CDH18: variants seen among roughly 807,000 people sequenced by gnomAD.
The protein encoded by CDH18 is cadherin-18.
A neutral mutation model predicts 67.9 loss-of-function variants in CDH18; 31 were observed. That is an observed-to-expected ratio of 0.46 (90% CI 0.34 to 0.62). The LOEUF (loss-of-function observed/expected upper bound fraction) is 0.62, where lower values mean the gene tolerates loss of function less well. CDH18 is among the 20% of genes least tolerant of loss of function. The probability of loss-of-function intolerance (pLI) is 0.01; values close to 1 mark genes in which losing one functional copy is unlikely to be tolerated. For missense variants in CDH18, 890 were observed against 975.5 expected (o/e 0.91, Z 1.17); for synonymous variants, 362 against 347.2 (o/e 1.04, Z -0.48).
chr5:20,469,944 C>T (rs1751932839), intron 1 of CDH18, among the ~76,000 whole-genome samples: 1 of 152,120 alleles, frequency 6.6e-6, no homozygotes, highest in Admixed American at 6.6e-5. Context: ...CTACTGTGGA[C>T]TTGTCTTGCA....
At chr5:19,921,348 A>T (rs182982041) in intron 2 of CDH18, among the ~76,000 whole-genome samples, 1 of 151,974 alleles carries the variant, frequency 6.6e-6, no homozygotes. Flanking sequence ...TGGCTAACAC[A>T]GTGAAACCCT....
intron 2 of CDH18, among the ~76,000 whole-genome samples, chr5:19,850,494 A>G (rs1783556549): frequency 6.6e-6 from 1 of 151,886 alleles, no homozygotes; most frequent in African/African-American, 2.4e-5. Context: ...GTCTTCTAAT[A>G]GCCTCAATGA....
At chr5:20,431,545 G>T (rs1036580752) in intron 1 of CDH18, among the ~76,000 whole-genome samples, 2 of 149,228 alleles carry the variant, frequency 1.3e-5, no homozygotes, top group Non-Finnish European at 3.0e-5. Context: ...AAGAACCTCA[G>T]TCAATCACAA....
intron 10 of CDH18, among the ~76,000 whole-genome samples, chr5:19,515,677 T>C (rs2126864177): frequency 6.6e-6 from 1 of 152,300 alleles, no homozygotes; most frequent in East Asian, 1.9e-4. Flanking sequence ...ATAGGAATGC[T>C]TGTCATTTTT....
At chr5:20,439,085 A>G (rs929157981) in intron 1 of CDH18, among the ~76,000 whole-genome samples, 2 of 151,540 alleles carry the variant, frequency 1.3e-5, no homozygotes, top group South Asian at 2.1e-4. Flanking sequence ...AATCACCTCT[A>G]AAGTGCTCAC....
intron 2 of CDH18, among the ~76,000 whole-genome samples, chr5:19,868,180 A>G (rs1581713332): frequency 1.3e-5 from 2 of 152,192 alleles, no homozygotes; most frequent in African/African-American, 4.8e-5. Context: ...TTCAAGTGAA[A>G]TGGAATAATA....
Position 19,490,138 on chromosome 5 carries a change from T to TA in CDH18, c.1631-6587dup, listed in dbSNP as rs1305512643. 9.8e-3 allele frequency among the ~76,000 whole-genome samples: 1,480 copies of TA among 150,270 alleles called. 27 individuals are homozygous for TA. The highest frequency in any genetic ancestry group is 0.034 in the African/African-American group (1,382 of 40,616). On this transcript the variant is annotated intron_variant, in intron 11 of 12. Coordinates refer to ENST00000382275, the MANE Select transcript of CDH18 (RefSeq NM_004934.5). ...TTGGAGTCACTAGATTTATAAACACTAAAAAAAAATTGTAAGCATAAATCC... is the reference window on the plus strand; with the variant it reads ...TTGGAGTCACTAGATTTATAAACACTAAAAAAAAAATTGTAAGCATAAATCC...
intron 2 of CDH18, among the ~76,000 whole-genome samples, chr5:19,978,023 A>G (rs1403466436): frequency 6.6e-6 from 1 of 152,098 alleles, no homozygotes; most frequent in African/African-American, 2.4e-5. Flanking sequence ...CCTGCACTAC[A>G]AAAGTAAAAA....
intron 2 of CDH18, among the ~76,000 whole-genome samples, chr5:20,045,644 A>G (rs1042539484): frequency 3.9e-5 from 6 of 152,038 alleles, no homozygotes; most frequent in Admixed American, 3.9e-4. Context: ...AGGGATAGGT[A>G]AGGAAATAGA....
intron 1 of CDH18, among the ~76,000 whole-genome samples, chr5:20,394,245 C>T (rs1195174235): frequency 2.0e-5 from 3 of 151,732 alleles, no homozygotes; most frequent in Admixed American, 1.3e-4. Flanking sequence ...TAGAATCCCC[C>T]CCAAAAAACA....
rs554818998 is a variant in CDH18 at position 20,369,580 on chromosome 5, C to T, written c.-579-114075G>A. ...TACCACCGCAGTTGTTCCCATATTC[C>T]ACTATGAAAAAGAGTTCAGTTTAGA... On this transcript the variant is annotated intron_variant, in intron 1 of 14. Transcript: ENST00000507958. Among the ~76,000 whole-genome samples, 5 of 152,218 alleles carry T rather than the reference C, an allele frequency of 3.3e-5. No homozygotes were observed. The South Asian group carries it at 1.0e-3, about 32-fold the overall frequency.
chr5:20,364,587 A>G (rs535150882), intron 1 of CDH18, among the ~76,000 whole-genome samples: 1 of 152,294 alleles, frequency 6.6e-6, no homozygotes, highest in Admixed American at 6.5e-5. Context: ...ATTCAATTCA[A>G]CTGCTGAATA....
At chr5:20,220,654 C>T (rs1741152223) in intron 2 of CDH18, among the ~76,000 whole-genome samples, 1 of 151,826 alleles carries the variant, frequency 6.6e-6, no homozygotes, top group South Asian at 2.1e-4. Flanking sequence ...ATCTTCTGCA[C>T]AGCAAGGGCA....
intron 8 of CDH18, among the ~76,000 whole-genome samples, chr5:19,570,804 C>T (rs1459082096): frequency 1.3e-5 from 2 of 152,258 alleles, no homozygotes; most frequent in East Asian, 3.9e-4. Flanking sequence ...ATTTAGCGAG[C>T]ACTTATTATA....
chr5:19,857,378 T>A (rs547882069), intron 2 of CDH18, among the ~76,000 whole-genome samples: 1 of 152,324 alleles, frequency 6.6e-6, no homozygotes, highest in East Asian at 1.9e-4. Flanking sequence ...GACCATAGGC[T>A]AGTAAATTGA....
chr5:20,187,626 T>C (rs1330841160), intron 2 of CDH18, among the ~76,000 whole-genome samples: 2 of 151,956 alleles, frequency 1.3e-5, no homozygotes, highest in African/African-American at 4.8e-5. Context: ...AGAAGCATTA[T>C]CTTGTTTGCT....
At chr5:19,750,282 C>A (rs141163294) in intron 3 of CDH18, among the ~76,000 whole-genome samples, 7 of 152,070 alleles carry the variant, frequency 4.6e-5, no homozygotes, top group Non-Finnish European at 7.4e-5. Flanking sequence ...GTTCTGTTTG[C>A]AATATACACT....
At chr5:19,968,130 A>G (rs1388006263) in intron 2 of CDH18, among the ~76,000 whole-genome samples, 1 of 152,032 alleles carries the variant, frequency 6.6e-6, no homozygotes, top group African/African-American at 2.4e-5. Flanking sequence ...AATCCAACTT[A>G]CAAGGGACGT....
In CDH18 at chr5:19,571,753, T is replaced by A; in HGVS notation, c.1079A>T (p.His360Leu). Reference sequence around the variant, plus strand: ...AGTAGCATCTTTAAAAGGACCCAAGTGAGAAAAGCGAAAATCAAGATGTGT... The same window carrying A: ...AGTAGCATCTTTAAAAGGACCCAAGAGAGAAAAGCGAAAATCAAGATGTGT... ...ANTHLDFRFSHLGPFKDATML... is the reference protein window; with the variant it reads ...ANTHLDFRFSLLGPFKDATML... Residue 360 changes from histidine to leucine, a missense_variant, in exon 8 of 13, where the codon CAC becomes CTC. Coordinates refer to ENST00000382275, the MANE Select transcript of CDH18 (RefSeq NM_004934.5). 3 of 1,613,892 alleles carry A rather than the reference T, an allele frequency of 1.9e-6. No homozygotes were observed. The highest frequency in any genetic ancestry group is 1.7e-6 in the Non-Finnish European group (2 of 1,179,856).
Sources: allele counts gnomAD v4.1 joint callset (sites outside exome capture counted in the v4.1 genomes callset), GRCh38; gene constraint gnomAD v4.1.1; transcripts MANE v1.5; gene names NCBI Gene and HGNC (gene_info 2026-07-23, HGNC 2026-07-21).